AP1S3: variants seen among roughly 807,000 people sequenced by gnomAD.
AP1S3 encodes the protein adaptor related protein complex 1 subunit sigma 3.
Under a neutral mutation model 20.9 loss-of-function variants are expected in AP1S3, and 10 were observed. The observed-to-expected ratio is 0.48, with a 90% CI of 0.29 to 0.81. The LOEUF is 0.81. Among genes scored for constraint, AP1S3 ranks in the 30% least tolerant of loss-of-function variants. The pLI is 0.08. For missense variants in AP1S3, 154 were observed against 183.8 expected (o/e 0.84, Z 0.94); for synonymous variants, 41 against 61.5 (o/e 0.67, Z 1.56).
At chr2:223,765,085 A>G (rs1690444461) in intron 4 of AP1S3, 128 bp downstream of exon 4, 1 of 1,336,230 alleles carries the variant, frequency 7.5e-7, no homozygotes, top group Non-Finnish European at 9.9e-7. Flanking sequence ...GCTAATACAT[A>G]TAAATAGTTT....
chr2:223,818,415 T>C (rs1232020230), intron 1 of AP1S3, among the ~76,000 whole-genome samples: 2 of 115,448 alleles, frequency 1.7e-5, no homozygotes, highest in Non-Finnish European at 3.6e-5. Context: ...AGAGTGAGAC[T>C]CCATCTCAAA....
chr2:223,772,916 G>A (rs1201035919), intron 3 of AP1S3, among the ~76,000 whole-genome samples: 5 of 152,138 alleles, frequency 3.3e-5, no homozygotes, highest in East Asian at 3.8e-4. Context: ...AACAAGAACC[G>A]AACTTCTACT....
chr2:223,769,806 C>A (rs1269179492), intron 3 of AP1S3, among the ~76,000 whole-genome samples: 1 of 133,010 alleles, frequency 7.5e-6, no homozygotes, highest in African/African-American at 2.9e-5. Flanking sequence ...TGCAGTGGCG[C>A]GATCTCGGCT....
In AP1S3 at chr2:223,757,557, G is replaced by A. The variant is rs1288030594; in HGVS notation, c.*1158C>T. ...CCTGCCTCGGCCTCCCAAAGTGCTG[G>A]GATTACAGGTGTAAGCCACCACTCC... is the stretch of plus-strand genomic sequence containing the variant. On this transcript the variant is annotated 3_prime_UTR_variant, in exon 5 of 5. Transcript: ENST00000396654. 80 of 982,648 alleles carry A rather than the reference G, an allele frequency of 8.1e-5. No individual in the cohort carries two copies. Among genetic ancestry groups the A allele is most frequent in the Middle Eastern group, 5.2e-4 (1 of 1,914 alleles). 60.9% of individuals were successfully genotyped at this position (982,648 alleles called of 1,614,324 possible).
In AP1S3 at chr2:223,763,508, C is replaced by T. The variant is rs13418404; in HGVS notation, c.429+1705G>A. On this transcript the variant is annotated intron_variant, in intron 4 of 4. Coordinates refer to ENST00000396654, the MANE Select transcript of AP1S3 (RefSeq NM_001039569.2). ...CCTGAAGTTAAAAAAAAACCTCCAC[C>T]CCCTCCACCTGCCCCCAACTCCCAG... Among the ~76,000 whole-genome samples the T allele has an allele frequency of 8.2e-3, 1,241 of 152,170 alleles. 9 individuals are homozygous for T. The highest frequency in any genetic ancestry group is 0.024 in the Middle Eastern group (7 of 294).
chr2:223,776,740 C>T (rs534742809), intron 2 of AP1S3, among the ~76,000 whole-genome samples: 17 of 152,202 alleles, frequency 1.1e-4, no homozygotes, highest in African/African-American at 3.9e-4. Context: ...ATTGAGGGTC[C>T]TTTCTAGTAT....
chr2:223,807,044 T>C (rs182978510), intron 1 of AP1S3, among the ~76,000 whole-genome samples: 12 of 152,290 alleles, frequency 7.9e-5, no homozygotes, highest in East Asian at 3.9e-4. Context: ...GGTGGGAGGA[T>C]TGCTTGAGCC....
At chr2:223,778,008 T>C in intron 1 of AP1S3, 139 bp from the exon 2 acceptor site, 2 of 674,368 alleles carry the variant, frequency 3.0e-6, no homozygotes, top group South Asian at 2.8e-5. Context: ...GCATGAAAAC[T>C]ATCTCATCTG....
Position 223,835,655 on chromosome 2 carries a change from G to A in AP1S3, c.3+1793C>T, listed in dbSNP as rs565938227. Among the ~76,000 whole-genome samples the A allele has an allele frequency of 7.9e-5, 12 of 151,662 alleles. No individual in the cohort carries two copies. The South Asian group carries it at 1.7e-3, about 21-fold the overall frequency. ...GGGTGACAGAGCAAGATTCCGTCTC[G>A]AAGAAAAAAAAATAATAATAATGTT... On this transcript the variant is annotated intron_variant, in intron 1 of 4. Coordinates refer to ENST00000396654, the MANE Select transcript of AP1S3 (RefSeq NM_001039569.2).
intron 1 of AP1S3, among the ~76,000 whole-genome samples, chr2:223,798,221 C>G (rs1691389409): frequency 6.6e-6 from 1 of 152,194 alleles, no homozygotes; most frequent in African/African-American, 2.4e-5. Flanking sequence ...CTCAGAATCT[C>G]AGGTAGGCCT....
At position 223,815,473 on chromosome 2, in the gene AP1S3, C is replaced by T. The variant is rs1691823434; in HGVS notation, c.3+21975G>A. On this transcript the variant is annotated intron_variant, in intron 1 of 4. Coordinates refer to ENST00000396654, the MANE Select transcript of AP1S3 (RefSeq NM_001039569.2). ...CAACTCTCAAAACAAAAATCACTTT[C>T]CCTCCCAAGTTTACGAGCCACCTTC... 2.6e-5 allele frequency among the ~76,000 whole-genome samples: 4 copies of T among 152,316 alleles called. No homozygotes were observed. In the South Asian group the frequency reaches 8.3e-4, roughly 32 times the overall value.
chr2:223,816,456 G>A (rs1691845756), intron 1 of AP1S3, among the ~76,000 whole-genome samples: 1 of 152,190 alleles, frequency 6.6e-6, no homozygotes, highest in Non-Finnish European at 1.5e-5. Flanking sequence ...GCTAAGAGAA[G>A]CATGAAATGT....
chr2:223,779,625 C>T (rs1690875547), intron 1 of AP1S3, among the ~76,000 whole-genome samples: 1 of 151,702 alleles, frequency 6.6e-6, no homozygotes, highest in African/African-American at 2.4e-5. Context: ...ATTATATATA[C>T]CAGGAACAAA....
intron 3 of AP1S3, among the ~76,000 whole-genome samples, chr2:223,766,550 A>G (rs1690487907): frequency 6.6e-6 from 1 of 152,172 alleles, no homozygotes; most frequent in African/African-American, 2.4e-5. Context: ...AAAAGTCAGG[A>G]AACAACAGAT....
intron 1 of AP1S3, among the ~76,000 whole-genome samples, chr2:223,781,359 A>T (rs917881483): frequency 5.3e-5 from 8 of 151,910 alleles, no homozygotes; most frequent in African/African-American, 1.5e-4. Context: ...CAGCAGCTTT[A>T]AAAAAAATCA....
Position 223,777,658 on chromosome 2 carries a change from T to C in AP1S3, c.182+33A>G, listed in dbSNP as rs763891791. 3.5e-5 allele frequency: 56 copies of C among 1,592,460 alleles called. No homozygotes were observed. The African/African-American group carries it at 6.2e-4, about 18-fold the overall frequency. On this transcript the variant is annotated intron_variant, in intron 2 of 4. Coordinates refer to ENST00000396654, the MANE Select transcript of AP1S3 (RefSeq NM_001039569.2). ...GGATTAGAACAAACCAAAGTAAGAC[T>C]GAGAAATTGAGCTCTCAAAAAGTTA...
intron 1 of AP1S3, among the ~76,000 whole-genome samples, chr2:223,778,645 A>G (rs1250071119): frequency 6.6e-6 from 1 of 152,144 alleles, no homozygotes; most frequent in African/African-American, 2.4e-5. Context: ...AAGGAAAGGA[A>G]GTGAGGCTGA....
At chr2:223,777,642 C>G in intron 2 of AP1S3, 49 bp downstream of exon 2, 1 of 1,551,470 alleles carries the variant, frequency 6.4e-7, no homozygotes, top group Non-Finnish European at 8.8e-7. Context: ...AGGATTAGAA[C>G]AAACCAAAGT....
In AP1S3 at chr2:223,828,058, TAAAAAAAAAAAAA is replaced by T. The variant is rs527671959; in HGVS notation, c.3+9377_3+9389del. Among the ~76,000 whole-genome samples the T allele has an allele frequency of 8.6e-4, 81 of 94,692 alleles. 1 individual carries two copies. Among genetic ancestry groups the T allele is most frequent in the Non-Finnish European group, 1.6e-3 (73 of 44,346 alleles). 62.1% of individuals were successfully genotyped at this position (94,692 alleles called of 152,430 possible). On this transcript the variant is annotated intron_variant, in intron 1 of 4. Coordinates refer to ENST00000396654, the MANE Select transcript of AP1S3 (RefSeq NM_001039569.2). ...TGGGGTACAAGAGCAAGACTTCATC[TAAAAAAAAAAAAA>T]AAAAAAAAAAAAAAAAAAAAAAGAA...
Sources: gnomAD v4.1 joint callset for allele counts (sites outside exome capture counted in the v4.1 genomes callset) on GRCh38, gnomAD v4.1.1 for gene constraint, MANE v1.5 for transcripts, NCBI Gene and HGNC (gene_info 2026-07-23, HGNC 2026-07-21) for gene names.